The following PLCG1 variants were observed in gnomAD, a reference collection of about 807,000 sequenced individuals.
The protein encoded by PLCG1 is 1-phosphatidylinositol 4,5-bisphosphate phosphodiesterase gamma-1.
Under a neutral mutation model 177.8 loss-of-function variants are expected in PLCG1, and 71 were observed. The observed-to-expected ratio is 0.40, with a 90% CI of 0.33 to 0.49. The LOEUF is 0.49. PLCG1 is among the 20% of genes least tolerant of loss of function. The pLI, the probability that PLCG1 is intolerant of heterozygous loss-of-function variation, is 0.72. For synonymous variants in PLCG1, 658 were observed against 647.9 expected (o/e 1.02, Z -0.24); for missense variants, 1,281 against 1,709.0 (o/e 0.75, Z 4.42).
At chr20:41,154,545 C>T (rs1428522617) in intron 1 of PLCG1, among the ~76,000 whole-genome samples, 1 of 152,068 alleles carries the variant, frequency 6.6e-6, no homozygotes, top group Non-Finnish European at 1.5e-5. Flanking sequence ...GGTGGCCAGA[C>T]AGGGTGGTTA....
At position 41,166,760 on chromosome 20, in the gene PLCG1, T is replaced by C. The variant is rs2035708289; in HGVS notation, c.2202T>C (p.Leu734=). Residue 734 remains leucine, a synonymous_variant, in exon 19 of 32, where the codon CTT becomes CTC. Coordinates refer to ENST00000685551, the MANE Select transcript of PLCG1 (RefSeq NM_002660.3). This position sits in a 1 kb window ranked among gnomAD's most constrained non-coding sequence, Gnocchi z 8.6. Reference sequence around the variant, plus strand: ...TAGGGAACTCGGAGTTCGACAGCCTTGTTGACCTCATCAGCTACTATGAGA... The same window carrying C: ...TAGGGAACTCGGAGTTCGACAGCCTCGTTGACCTCATCAGCTACTATGAGA... ...VMLGNSEFDS[L]VDLISYYEKH... The C allele has an allele frequency of 6.2e-7, 1 of 1,614,090 alleles. No individual in the cohort carries two copies.
In PLCG1 at chr20:41,177,318, C is replaced by T. The variant is rs2036091342; in HGVS notation, c.*2809C>T. Reference sequence around the variant, plus strand: ...GGTCAGGGGCATTCTGCCCCCGCCACAGGACTAAAGACTGCCCTGCGGGAA... The same window carrying T: ...GGTCAGGGGCATTCTGCCCCCGCCATAGGACTAAAGACTGCCCTGCGGGAA... On this transcript the variant is annotated 3_prime_UTR_variant, in exon 32 of 32. Transcript: ENST00000685551. The T allele has an allele frequency of 6.6e-6, 1 of 152,284 alleles. No homozygotes were observed. The highest frequency in any genetic ancestry group is 1.5e-5 in the Non-Finnish European group (1 of 68,062). 9.4% of individuals were successfully genotyped at this position (152,284 alleles called of 1,614,324 possible).
At chr20:41,143,802 G>A in intron 1 of PLCG1, among the ~76,000 whole-genome samples, 1 of 152,334 alleles carries the variant, frequency 6.6e-6, no homozygotes, top group Non-Finnish European at 1.5e-5. Context: ...TCCTCACAGA[G>A]CTGTATATTA....
rs891562395 is a variant in PLCG1 at position 41,177,427 on chromosome 20, A to T, written c.*2918A>T. ...AGGGGTCTGCCTCCTGACCAAGCAC[A>T]TCTTGAACATCACCTGAGAGCTTGA... On this transcript the variant is annotated 3_prime_UTR_variant, in exon 32 of 32. Transcript: ENST00000685551. 6.6e-6 allele frequency: 1 copy of T among 152,236 alleles called. No homozygotes were observed. The highest frequency in any genetic ancestry group is 1.5e-5 in the Non-Finnish European group (1 of 68,056). 9.4% of individuals were successfully genotyped at this position (152,236 alleles called of 1,614,324 possible).
Position 41,173,354 on chromosome 20 carries a change from C to T in PLCG1, c.3280-66C>T. ...CTCCACTCCACAGATGCTGACTGAG[C>T]CTCCGCAGTGGGGAATTGGAGGGAG... On this transcript the variant is annotated intron_variant, in intron 27 of 31. Coordinates refer to ENST00000685551, the MANE Select transcript of PLCG1 (RefSeq NM_002660.3). This position sits in a 1 kb window ranked among gnomAD's most constrained non-coding sequence, Gnocchi z 6.2. 1 of 1,458,746 alleles carries T rather than the reference C, an allele frequency of 6.9e-7. No individual in the cohort carries two copies. Among genetic ancestry groups the T allele is most frequent in the Non-Finnish European group, 9.1e-7 (1 of 1,094,174 alleles). The allele number at this position is 1,458,746 out of a possible 1,614,324, so 90.4% of individuals were successfully genotyped here.
Position 41,159,465 on chromosome 20 carries a change from G to C in PLCG1, c.218-141G>C, listed in dbSNP as rs2035423794. 2.6e-6 allele frequency: 2 copies of C among 760,268 alleles called. No individual in the cohort carries two copies. Among genetic ancestry groups the C allele is most frequent in the Non-Finnish European group, 2.1e-6 (1 of 472,844 alleles). The allele number at this position is 760,268 out of a possible 1,614,324, so 47.1% of individuals were successfully genotyped here. A position where few individuals can be genotyped will look rare whatever the true frequency, so the allele number is the denominator to read the frequency against. Reference sequence around the variant, plus strand: ...ACTCAACCCAGCCCTCTTATTACCAGAGTGACTGAGTGGTCTTGGCTCTGC... The same window carrying C: ...ACTCAACCCAGCCCTCTTATTACCACAGTGACTGAGTGGTCTTGGCTCTGC... On this transcript the variant is annotated intron_variant, in intron 1 of 31. Coordinates refer to ENST00000685551, the MANE Select transcript of PLCG1 (RefSeq NM_002660.3). This position sits in a 1 kb window ranked among gnomAD's most constrained non-coding sequence, Gnocchi z 6.0.
chr20:41,170,214 A>C lies in PLCG1; in HGVS notation c.2753A>C (p.Glu918Ala). 1.2e-6 allele frequency: 2 copies of C among 1,613,998 alleles called. No individual in the cohort carries two copies. Among genetic ancestry groups the C allele is most frequent in the Non-Finnish European group, 1.7e-6 (2 of 1,179,960 alleles). ...SLDVAADSQE[E>A]LQDWVKKIRE... is the part of the protein sequence containing the mutation. Reference sequence around the variant, plus strand: ...GATGTTGCTGCCGACTCACAGGAGGAGCTGCAGGACTGGGTGAAAAAGATC... The same window carrying C: ...GATGTTGCTGCCGACTCACAGGAGGCGCTGCAGGACTGGGTGAAAAAGATC... The change falls in exon 24 of 32, where the codon GAG (glutamate) becomes GCG (alanine). Residue 918 changes from glutamate (E) to alanine (A), a missense_variant. This residue lies in a region of PLCG1 where 723 missense variants were observed against 1,030.0 expected (regional missense o/e 0.70). Transcript: ENST00000685551.
At chr20:41,139,657 C>T (rs1003826715) in intron 1 of PLCG1, among the ~76,000 whole-genome samples, 4 of 152,146 alleles carry the variant, frequency 2.6e-5, no homozygotes, top group Non-Finnish European at 4.4e-5. Flanking sequence ...AAACATCTAG[C>T]ATTGTCTGAC....
chr20:41,166,782 G>A lies in PLCG1; in HGVS notation c.2224G>A (p.Glu742Lys). The A allele has an allele frequency of 6.2e-7, 1 of 1,614,142 alleles. No homozygotes were observed. Among genetic ancestry groups the A allele is most frequent in the Non-Finnish European group, 8.5e-7 (1 of 1,180,016 alleles). Reference sequence around the variant, plus strand: ...CCTTGTTGACCTCATCAGCTACTATGAGAAACACCCGCTATACCGCAAGAT... The same window carrying A: ...CCTTGTTGACCTCATCAGCTACTATAAGAAACACCCGCTATACCGCAAGAT... ...DSLVDLISYY[E>K]KHPLYRKMKL... Residue 742 changes from glutamate to lysine, a missense_variant, in exon 19 of 32, where the codon GAG becomes AAG. By Grantham distance (56) the Glu-to-Lys change is moderately conservative. Around this residue, in one of 4 missense-constraint regions of PLCG1, gnomAD observed 723 missense variants for 1,030.0 expected, o/e 0.70. Transcript: ENST00000685551. The surrounding 1 kb of genome is among the most constrained non-coding windows in gnomAD (Gnocchi z 8.6).
At chr20:41,170,594 G>A (rs1480288003) in intron 24 of PLCG1, 2 of 261,080 alleles carry the variant, frequency 7.7e-6, no homozygotes, top group Non-Finnish European at 1.5e-5. Flanking sequence ...AGGCATAGAA[G>A]GGATGAGGTG....
intron 1 of PLCG1, among the ~76,000 whole-genome samples, chr20:41,149,048 T>G (rs2035084164): frequency 6.6e-6 from 1 of 152,222 alleles, no homozygotes; most frequent in Non-Finnish European, 1.5e-5. Flanking sequence ...TAAGGCAGTC[T>G]TATCAAGAGC....
At position 41,147,796 on chromosome 20, in the gene PLCG1, C is replaced by T. The variant is rs1206905111; in HGVS notation, c.217+9938C>T. On this transcript the variant is annotated intron_variant, in intron 1 of 31. Coordinates refer to ENST00000685551, the MANE Select transcript of PLCG1 (RefSeq NM_002660.3). This position sits in a 1 kb window ranked among gnomAD's most constrained non-coding sequence, Gnocchi z 4.0. Reference sequence around the variant, plus strand: ...CCGGGAGGCAGAGGTTGCAGTGAGCCAAGATCGCGCCATTGCACTCCAGCC... The same window carrying T: ...CCGGGAGGCAGAGGTTGCAGTGAGCTAAGATCGCGCCATTGCACTCCAGCC... Among the ~76,000 whole-genome samples the T allele has an allele frequency of 6.6e-6, 1 of 151,754 alleles. No individual in the cohort carries two copies. The highest frequency in any genetic ancestry group is 2.4e-5 in the African/African-American group (1 of 41,294).
At chr20:41,161,818 C>T (rs2035507578) in intron 4 of PLCG1, among the ~76,000 whole-genome samples, 1 of 151,658 alleles carries the variant, frequency 6.6e-6, no homozygotes, top group African/African-American at 2.4e-5. Flanking sequence ...AGCCTCACAT[C>T]CTGGGCAGGA....
chr20:41,159,318 T>G lies in PLCG1; in HGVS notation c.218-288T>G, dbSNP rs1406492180. Among the ~76,000 whole-genome samples, 4 of 152,148 alleles carry G rather than the reference T, an allele frequency of 2.6e-5. No individual in the cohort carries two copies. Among genetic ancestry groups the G allele is most frequent in the Non-Finnish European group, 1.5e-5 (1 of 68,032 alleles). ...TTCTTCTTCTGGAGTCTAGCTCTTT[T>G]GCAGGTCAAAATGTCTCAGTGAGGG... On this transcript the variant is annotated intron_variant, in intron 1 of 31. Coordinates refer to ENST00000685551, the MANE Select transcript of PLCG1 (RefSeq NM_002660.3). The surrounding 1 kb of genome is among the most constrained non-coding windows in gnomAD (Gnocchi z 6.0).
At position 41,162,654 on chromosome 20, in the gene PLCG1, C is replaced by T. The variant is rs756870964; in HGVS notation, c.610C>T (p.Arg204Cys). The T allele has an allele frequency of 4.3e-6, 7 of 1,613,890 alleles. No individual in the cohort carries two copies. The highest frequency in any genetic ancestry group is 5.9e-6 in the Non-Finnish European group (7 of 1,179,850). Residue 204 changes from arginine to cysteine, a missense_variant, in exon 6 of 32, where the codon CGC (arginine) becomes TGC (cysteine). Arg to Cys is a radical substitution (Grantham distance 180). Coordinates refer to ENST00000685551, the MANE Select transcript of PLCG1 (RefSeq NM_002660.3). ...LRERLTDLEQ[R>C]SGDITYGQFA... ...CTATACCATGCAGGACCTGGAGCAG[C>T]GCAGCGGGGACATCACCTACGGGCA...
chr20:41,149,938 AATCCC>A (rs2035114317), intron 1 of PLCG1, among the ~76,000 whole-genome samples: 1 of 152,234 alleles, frequency 6.6e-6, no homozygotes, highest in Admixed American at 6.5e-5. Context: ...TCATGCCTGT[AATCCC>A]AGCTCTTTGG....
intron 1 of PLCG1, among the ~76,000 whole-genome samples, chr20:41,138,625 C>T (rs2034699916): frequency 6.6e-6 from 1 of 152,070 alleles, no homozygotes; most frequent in African/African-American, 2.4e-5. Context: ...AGGCCTGCCC[C>T]AGCGCCTTGG....
chr20:41,165,731 G>A lies in PLCG1; in HGVS notation c.1704G>A (p.Leu568=), dbSNP rs36101726. The A allele has an allele frequency of 2.0e-4, 329 of 1,613,904 alleles. 3 individuals carry two copies. In the East Asian group the frequency reaches 6.9e-3, roughly 34 times the overall value. ...ACGGGCGTCACATCGCTGAGCGCCTGCTTACTGAGTACTGCATCGAGACCG... is the reference window on the plus strand; with the variant it reads ...ACGGGCGTCACATCGCTGAGCGCCTACTTACTGAGTACTGCATCGAGACCG... ...GRDGRHIAER[L]LTEYCIETGA... The change falls in exon 16 of 32, where the codon CTG becomes CTA. Residue 568 remains leucine, a synonymous_variant. Transcript: ENST00000685551. The surrounding 1 kb of genome is among the most constrained non-coding windows in gnomAD (Gnocchi z 6.6).
rs2034919433 is a variant in PLCG1 at position 41,144,069 on chromosome 20, A to T, written c.217+6211A>T. ...ACACAGAGGACTGGGGCATCAAAAA[A>T]CTCTGGAATTGGAATAGCATATTGG... On this transcript the variant is annotated intron_variant, in intron 1 of 31. Transcript: ENST00000685551. The surrounding 1 kb of genome is among the most constrained non-coding windows in gnomAD (Gnocchi z 4.1). 6.6e-6 allele frequency among the ~76,000 whole-genome samples: 1 copy of T among 151,866 alleles called. No individual in the cohort carries two copies. Among genetic ancestry groups the T allele is most frequent in the African/African-American group, 2.4e-5 (1 of 41,324 alleles).
Sources: gnomAD v4.1 joint callset for allele counts (sites outside exome capture counted in the v4.1 genomes callset) on GRCh38, gnomAD v4.1.1 for gene constraint, gnomAD v4.1.1 regional missense constraint, Gnocchi (gnomAD v3.1) non-coding constraint, MANE v1.5 for transcripts, NCBI Gene and HGNC (gene_info 2026-07-23, HGNC 2026-07-21) for gene names.